The following PIEZO2 variants were observed in gnomAD, a reference collection of about 807,000 sequenced individuals.
The protein encoded by PIEZO2 is piezo-type mechanosensitive ion channel component 2.
Under a neutral mutation model 337.3 loss-of-function variants are expected in PIEZO2, and 172 were observed. The observed-to-expected ratio is 0.51, with a 90% CI of 0.45 to 0.58. The LOEUF (loss-of-function observed/expected upper bound fraction) is 0.58. Among genes scored for constraint, PIEZO2 ranks in the 20% least tolerant of loss-of-function variants. The pLI, the probability that PIEZO2 is intolerant of heterozygous loss-of-function variation, is 0.00. For synonymous variants in PIEZO2, 1,251 were observed against 1,228.5 expected (o/e 1.02, Z -0.38); for missense variants, 3,028 against 3,391.3 (o/e 0.89, Z 2.66).
At position 11,140,970 on chromosome 18, in the gene PIEZO2, C is replaced by T. The variant is rs530778016; in HGVS notation, c.64+7555G>A. Among the ~76,000 whole-genome samples, 32 of 152,284 alleles carry T rather than the reference C, an allele frequency of 2.1e-4. No individual in the cohort carries two copies. In the South Asian group the frequency reaches 3.7e-3, roughly 18 times the overall value. Reference sequence around the variant, plus strand: ...AGCTTGATGTGGACATGGTAACAGGCTGTCTTGACCCATGCAGATGAGTGC... The same window carrying T: ...AGCTTGATGTGGACATGGTAACAGGTTGTCTTGACCCATGCAGATGAGTGC... On this transcript the variant is annotated intron_variant, in intron 1 of 55. Transcript: ENST00000674853.
At position 10,748,468 on chromosome 18, in the gene PIEZO2, C is replaced by A; in HGVS notation, c.4424+3G>T. 1 of 1,536,922 alleles carries A rather than the reference C, an allele frequency of 6.5e-7. No individual in the cohort carries two copies. The highest frequency in any genetic ancestry group is 8.7e-7 in the Non-Finnish European group (1 of 1,146,780). On this transcript the variant is annotated splice_donor_region_variant and intron_variant, in intron 30 of 55. Transcript: ENST00000674853. The surrounding 1 kb of genome is among the most constrained non-coding windows in gnomAD (Gnocchi z 5.1). ...AACCACCTGATTTCATGGCCTGACC[C>A]ACCTTGATGCCAGAATCTGGGAAGC...
intron 1 of PIEZO2, among the ~76,000 whole-genome samples, chr18:11,079,973 G>T (rs1311420618): frequency 6.6e-6 from 1 of 152,172 alleles, no homozygotes; most frequent in Non-Finnish European, 1.5e-5. Context: ...TAGTAGGACT[G>T]ACCTATTAGG....
At position 11,060,684 on chromosome 18, in the gene PIEZO2, A is replaced by T. The variant is rs368263936; in HGVS notation, c.160+5443T>A. On this transcript the variant is annotated intron_variant, in intron 2 of 55. Transcript: ENST00000674853. ...GAAAAGGATAAATTCCTTGACACATACACCCTCCCAAGACTAAACCAGGAA... is the reference window on the plus strand; with the variant it reads ...GAAAAGGATAAATTCCTTGACACATTCACCCTCCCAAGACTAAACCAGGAA... 5.1e-4 allele frequency among the ~76,000 whole-genome samples: 78 copies of T among 152,362 alleles called. 1 individual carries two copies. The highest frequency in any genetic ancestry group is 3.9e-4 in the East Asian group (2 of 5,190).
intron 7 of PIEZO2, among the ~76,000 whole-genome samples, chr18:10,817,801 T>C (rs1008132395): frequency 2.0e-5 from 3 of 151,760 alleles, no homozygotes; most frequent in African/African-American, 7.3e-5. Flanking sequence ...CAGGCGCCTG[T>C]AGTCCCAGCT....
chr18:10,801,257 A>C, intron 10 of PIEZO2, 133 bp downstream of exon 10: 1 of 689,762 alleles, frequency 1.4e-6, no homozygotes, highest in South Asian at 2.5e-5. Context: ...ACCAGATATA[A>C]TTTATGCCCA....
Position 10,834,557 on chromosome 18 carries a change from G to C in PIEZO2, c.917+20796C>G, listed in dbSNP as rs2040947066. ...TGGGAGAATGCAACAGAATGTGATT[G>C]AATCCCTGCTGGGTGTCAGGCACTT... On this transcript the variant is annotated intron_variant, in intron 7 of 55. Transcript: ENST00000674853. This position sits in a 1 kb window ranked among gnomAD's most constrained non-coding sequence, Gnocchi z 4.5. Among the ~76,000 whole-genome samples, 1 of 152,164 alleles carries C rather than the reference G, an allele frequency of 6.6e-6. No individual in the cohort carries two copies.
chr18:11,126,404 T>G lies in PIEZO2; in HGVS notation c.64+22121A>C, dbSNP rs1313614502. Among the ~76,000 whole-genome samples, 1 of 152,216 alleles carries G rather than the reference T, an allele frequency of 6.6e-6. No individual in the cohort carries two copies. The highest frequency in any genetic ancestry group is 1.5e-5 in the Non-Finnish European group (1 of 68,032). On this transcript the variant is annotated intron_variant, in intron 1 of 55. Transcript: ENST00000674853. The surrounding 1 kb of genome is among the most constrained non-coding windows in gnomAD (Gnocchi z 4.6). ...GAGCGCCCATGGCCACAGTGATGAC[T>G]GTTCCATCTTACTGTCCCCTAGGCC... is the stretch of plus-strand genomic sequence containing the variant.
chr18:11,078,789 C>T lies in PIEZO2; in HGVS notation c.65-12567G>A, dbSNP rs2038638883. On this transcript the variant is annotated intron_variant, in intron 1 of 55. Transcript: ENST00000674853. The surrounding 1 kb of genome is among the most constrained non-coding windows in gnomAD (Gnocchi z 5.3). Reference sequence around the variant, plus strand: ...TCAAAATGAACCTCTTTTGCCAGATCTCTTCAGTCTCTACCTACTCAGAGT... The same window carrying T: ...TCAAAATGAACCTCTTTTGCCAGATTTCTTCAGTCTCTACCTACTCAGAGT... Among the ~76,000 whole-genome samples the T allele has an allele frequency of 1.3e-5, 2 of 152,222 alleles. No homozygotes were observed. The highest frequency in any genetic ancestry group is 6.5e-5 in the Admixed American group (1 of 15,284).
intron 2 of PIEZO2, among the ~76,000 whole-genome samples, chr18:11,029,623 G>A (rs1214649989): frequency 1.3e-5 from 2 of 152,104 alleles, no homozygotes; most frequent in Non-Finnish European, 2.9e-5. Context: ...TACAACTTCA[G>A]TGCTTCTCAG....
intron 27 of PIEZO2, among the ~76,000 whole-genome samples, chr18:10,753,730 T>C (rs903196767): frequency 1.3e-5 from 2 of 152,254 alleles, no homozygotes; most frequent in Non-Finnish European, 2.9e-5. Flanking sequence ...TAATAAAATA[T>C]GCACTACACT....
At chr18:11,091,352 C>G (rs1163238445) in intron 1 of PIEZO2, among the ~76,000 whole-genome samples, 4 of 146,962 alleles carry the variant, frequency 2.7e-5, no homozygotes, top group Non-Finnish European at 4.5e-5. Context: ...ACAGAGCACT[C>G]CAGCCTGGGC....
Position 10,758,064 on chromosome 18 carries a change from C to T in PIEZO2, c.3828G>A (p.Val1276=). The stretch of plus-strand genomic sequence containing the variant: ...CGACATTGTCACCTGCCATGATTCG[C>T]ACTGCAGCCTTGTTCTCATCCTCAA... ...QIFEDENKAA[V]RIMAGDNVEI... is the part of the protein sequence containing the mutation. The change falls in exon 27 of 56, where the codon GTG becomes GTA. Residue 1276 remains valine, a synonymous_variant. Coordinates refer to ENST00000674853, the MANE Select transcript of PIEZO2 (RefSeq NM_001378183.1). 2 of 1,537,538 alleles carry T rather than the reference C, an allele frequency of 1.3e-6. No individual in the cohort carries two copies. Among genetic ancestry groups the T allele is most frequent in the Non-Finnish European group, 8.7e-7 (1 of 1,146,888 alleles).
At chr18:10,745,189 T>G (rs1252566920) in intron 30 of PIEZO2, among the ~76,000 whole-genome samples, 1 of 152,146 alleles carries the variant, frequency 6.6e-6, no homozygotes, top group African/African-American at 2.4e-5. Flanking sequence ...AGAGGTACCC[T>G]TTGTCTGACT....
At chr18:10,890,055 C>T (rs1252008624) in intron 4 of PIEZO2, among the ~76,000 whole-genome samples, 1 of 152,220 alleles carries the variant, frequency 6.6e-6, no homozygotes, top group Non-Finnish European at 1.5e-5. Flanking sequence ...AGCAAATCTG[C>T]TCCCCCATCA....
rs571290926 is a variant in PIEZO2, at chr18:11,095,446, C to T, written c.65-29224G>A. ...CACAGCTTTCATTTGCAACGTGAAGCGAGTTGCCCCAAGTCAGACCTCAGT... is the reference window on the plus strand; with the variant it reads ...CACAGCTTTCATTTGCAACGTGAAGTGAGTTGCCCCAAGTCAGACCTCAGT... On this transcript the variant is annotated intron_variant, in intron 1 of 55. Coordinates refer to ENST00000674853, the MANE Select transcript of PIEZO2 (RefSeq NM_001378183.1). Among the ~76,000 whole-genome samples the T allele has an allele frequency of 4.4e-4, 67 of 152,270 alleles. No individual in the cohort carries two copies. In the South Asian group the frequency reaches 0.01, roughly 23 times the overall value.
intron 41 of PIEZO2, 57 bp downstream of exon 41, chr18:10,705,279 A>G: frequency 6.9e-7 from 1 of 1,452,400 alleles, no homozygotes; most frequent in South Asian, 1.4e-5. Flanking sequence ...GAATTAGGGC[A>G]TTATGTTTAA....
At chr18:10,891,317 T>C (rs993938892) in intron 4 of PIEZO2, among the ~76,000 whole-genome samples, 2 of 152,102 alleles carry the variant, frequency 1.3e-5, no homozygotes, top group African/African-American at 4.8e-5. Context: ...ACTGAGACTC[T>C]GTTAAAAAAA....
intron 2 of PIEZO2, among the ~76,000 whole-genome samples, chr18:11,030,052 G>A (rs539441028): frequency 6.6e-6 from 1 of 152,114 alleles, no homozygotes; most frequent in Non-Finnish European, 1.5e-5. Context: ...GCAGTACTCT[G>A]CATATACATC....
Position 10,896,217 on chromosome 18 carries a change from C to T in PIEZO2, c.329+14969G>A, listed in dbSNP as rs1298669752. On this transcript the variant is annotated intron_variant, in intron 4 of 55. Transcript: ENST00000674853. ...TGGGTCCTAGTAATAGTGAATGAGTCAAACAGAGCAGCCTTCATATTACCT... is the reference window on the plus strand; with the variant it reads ...TGGGTCCTAGTAATAGTGAATGAGTTAAACAGAGCAGCCTTCATATTACCT... Among the ~76,000 whole-genome samples, 2 of 152,150 alleles carry T rather than the reference C, an allele frequency of 1.3e-5. 1 individual carries two copies. The highest frequency in any genetic ancestry group is 4.8e-5 in the African/African-American group (2 of 41,434).
Sources: gnomAD v4.1 joint callset for allele counts (sites outside exome capture counted in the v4.1 genomes callset) on GRCh38, gnomAD v4.1.1 for gene constraint, Gnocchi (gnomAD v3.1) non-coding constraint, MANE v1.5 for transcripts, NCBI Gene and HGNC (gene_info 2026-07-23, HGNC 2026-07-21) for gene names.